The following PHACTR1 variants were observed in gnomAD, a reference collection of about 807,000 sequenced individuals.
PHACTR1 encodes phosphatase and actin regulator 1, also known as RPEL repeat containing 1.
In PHACTR1, 16 loss-of-function variants were observed where a neutral mutation model predicts 69.2. The observed-to-expected ratio is 0.23, with a 90% CI of 0.16 to 0.35. PHACTR1 has a LOEUF of 0.35. Ranked by LOEUF, PHACTR1 falls within the 10% of genes least tolerant of loss-of-function variation. The probability of loss-of-function intolerance (pLI) is 1.00; values close to 1 mark genes in which losing one functional copy is unlikely to be tolerated. For missense variants in PHACTR1, 510 were observed against 734.7 expected (o/e 0.69, Z 3.54); for synonymous variants, 312 against 284.5 (o/e 1.10, Z -0.97).
At chr6:13,216,686 TA>T (rs1186454964) in intron 8 of PHACTR1, among the ~76,000 whole-genome samples, 9 of 152,224 alleles carry the variant, frequency 5.9e-5, no homozygotes, top group Non-Finnish European at 1.0e-4. Context: ...TCTTTGATTT[TA>T]AAGCCTATAT....
intron 7 of PHACTR1, among the ~76,000 whole-genome samples, chr6:13,189,101 C>G (rs1348644445): frequency 2.0e-5 from 3 of 152,300 alleles, no homozygotes; most frequent in African/African-American, 7.2e-5. Flanking sequence ...GGCAGGTGCC[C>G]CCGGCATGCC....
At chr6:13,243,018 A>G (rs951581953) in intron 10 of PHACTR1, among the ~76,000 whole-genome samples, 18 of 152,248 alleles carry the variant, frequency 1.2e-4, no homozygotes, top group African/African-American at 4.3e-4. Flanking sequence ...AGTTCCATGA[A>G]GAAGGCGCAG....
At chr6:13,094,211 T>G (rs1000089570) in intron 5 of PHACTR1, among the ~76,000 whole-genome samples, 1 of 152,098 alleles carries the variant, frequency 6.6e-6, no homozygotes, top group Non-Finnish European at 1.5e-5. Flanking sequence ...TAAAATTAGC[T>G]AAATAGATTT....
At chr6:13,272,983 C>G (rs897108320) in intron 11 of PHACTR1, 68 bp downstream of exon 11, 1 of 1,592,164 alleles carries the variant, frequency 6.3e-7, no homozygotes, top group South Asian at 1.1e-5. Flanking sequence ...TAATGGTAGG[C>G]CACAAGGTTT....
intron 4 of PHACTR1, among the ~76,000 whole-genome samples, chr6:12,753,521 T>C (rs1451177209): frequency 2.0e-5 from 3 of 152,262 alleles, no homozygotes; most frequent in Non-Finnish European, 4.4e-5. Flanking sequence ...TATTAGGCAC[T>C]ATTGAGAAAA....
chr6:12,976,502 A>G (rs1794899179), intron 4 of PHACTR1, among the ~76,000 whole-genome samples: 1 of 152,224 alleles, frequency 6.6e-6, no homozygotes, highest in Non-Finnish European at 1.5e-5. Flanking sequence ...ATATGTGTCC[A>G]GGGCTCCTTC....
chr6:13,080,166 C>T (rs189313341), intron 5 of PHACTR1, among the ~76,000 whole-genome samples: 1 of 152,226 alleles, frequency 6.6e-6, no homozygotes, highest in African/African-American at 2.4e-5. Context: ...CTGAACTTCA[C>T]TGCCCCTCCT....
intron 4 of PHACTR1, among the ~76,000 whole-genome samples, chr6:12,847,844 A>G (rs532481458): frequency 2.2e-4 from 34 of 152,262 alleles, no homozygotes; most frequent in Non-Finnish European, 4.7e-4. Flanking sequence ...AATTAAAGCT[A>G]AGGCTTAAAG....
At chr6:13,128,726 T>C (rs1583481339) in intron 5 of PHACTR1, among the ~76,000 whole-genome samples, 1 of 152,278 alleles carries the variant, frequency 6.6e-6, no homozygotes, top group Non-Finnish European at 1.5e-5. Flanking sequence ...GGAAAACTTA[T>C]TTGAGGGAAT....
chr6:13,161,755 C>T (rs1759051487), intron 6 of PHACTR1, among the ~76,000 whole-genome samples: 1 of 152,100 alleles, frequency 6.6e-6, no homozygotes, highest in Non-Finnish European at 1.5e-5. Context: ...TTGTCATGGG[C>T]CTTCCCCGTG....
chr6:13,123,625 G>A (rs1819078685), intron 5 of PHACTR1, among the ~76,000 whole-genome samples: 1 of 152,202 alleles, frequency 6.6e-6, no homozygotes, highest in South Asian at 2.1e-4. Flanking sequence ...GAGGGGTATA[G>A]TTGGGGTGTT....
chr6:13,123,770 C>T (rs1368769173), intron 5 of PHACTR1, among the ~76,000 whole-genome samples: 1 of 152,192 alleles, frequency 6.6e-6, no homozygotes, highest in Non-Finnish European at 1.5e-5. Context: ...GTGACTCACA[C>T]ACACTAGAGG....
At chr6:13,066,390 G>A (rs1211906089) in intron 5 of PHACTR1, among the ~76,000 whole-genome samples, 3 of 152,206 alleles carry the variant, frequency 2.0e-5, no homozygotes, top group Non-Finnish European at 4.4e-5. Context: ...AAGAGGAGAG[G>A]AGGTAGGGTA....
At chr6:13,133,324 C>T (rs555825748) in intron 5 of PHACTR1, among the ~76,000 whole-genome samples, 7 of 149,702 alleles carry the variant, frequency 4.7e-5, no homozygotes, top group South Asian at 4.3e-4. Flanking sequence ...TCTCTCTCCA[C>T]GGTCTCCCTC....
intron 5 of PHACTR1, among the ~76,000 whole-genome samples, chr6:13,059,458 T>TCACACACA (rs57652223): frequency 4.1e-4 from 61 of 148,242 alleles, no homozygotes; most frequent in African/African-American, 1.2e-3. Context: ...AATGTTCTTA[T>TCACACACA]CACACACACA....
At chr6:12,761,564 A>T (rs1455733931) in intron 4 of PHACTR1, among the ~76,000 whole-genome samples, 3 of 152,208 alleles carry the variant, frequency 2.0e-5, no homozygotes, top group African/African-American at 7.2e-5. Context: ...TTTACTTGAT[A>T]ACAGTCATCA....
At position 13,095,749 on chromosome 6, in the gene PHACTR1, CTTTTTTTTTTTTT is replaced by C. The variant is rs140109520; in HGVS notation, c.415+42239_415+42251del. 8.8e-4 allele frequency among the ~76,000 whole-genome samples: 68 copies of C among 77,246 alleles called. 1 individual carries two copies. Among genetic ancestry groups the C allele is most frequent in the African/African-American group, 3.0e-3 (59 of 19,478 alleles). 50.7% of individuals were successfully genotyped at this position (77,246 alleles called of 152,430 possible). On this transcript the variant is annotated intron_variant, in intron 5 of 14. Coordinates refer to ENST00000332995, the MANE Select transcript of PHACTR1 (RefSeq NM_030948.6). ...CTTTAAAGTGAATTATTGTGAAGGG[CTTTTTTTTTTTTT>C]TTTTTTTTTTTTTTTTTTGTTAGAC...
chr6:13,286,119 A>T (rs1238804545), intron 13 of PHACTR1, 27 bp from the exon 14 acceptor site: 9 of 1,576,754 alleles, frequency 5.7e-6, no homozygotes, highest in Middle Eastern at 3.4e-4. Context: ...CTCCCATTGC[A>T]CATTGATGGG....
At chr6:12,832,597 C>G (rs1777703878) in intron 4 of PHACTR1, among the ~76,000 whole-genome samples, 1 of 152,044 alleles carries the variant, frequency 6.6e-6, no homozygotes, top group East Asian at 1.9e-4. Flanking sequence ...GAGTCAAGAA[C>G]TTCTCATATG....
Sources: allele counts gnomAD v4.1 joint callset (sites outside exome capture counted in the v4.1 genomes callset), GRCh38; gene constraint gnomAD v4.1.1; transcripts MANE v1.5; gene names NCBI Gene and HGNC (gene_info 2026-07-23, HGNC 2026-07-21).